Variants in CDH13 observed in about 807,000 individuals in gnomAD.
CDH13 encodes cadherin-13.
CDH13 carries 24 observed loss-of-function variants against 63.8 expected under a neutral mutation model. The observed-to-expected ratio is 0.38, with a 90% CI of 0.27 to 0.53. The LOEUF (loss-of-function observed/expected upper bound fraction) is 0.53, where lower values mean the gene tolerates loss of function less well. Among genes scored for constraint, CDH13 ranks in the 20% least tolerant of loss-of-function variants. The pLI is 0.85. For missense variants in CDH13, 1,049 were observed against 903.1 expected, an observed-to-expected ratio of 1.16 and a Z score of -2.07; for synonymous variants, 503 against 355.3, an observed-to-expected ratio of 1.42 and a Z score of -4.67.
chr16:83,571,934 C>T (rs528319874), intron 7 of CDH13, among the ~76,000 whole-genome samples: 2 of 152,178 alleles, frequency 1.3e-5, no homozygotes, highest in African/African-American at 2.4e-5. Context: ...CTGGCTCTGT[C>T]ATTTCCTCTG....
intron 3 of CDH13, among the ~76,000 whole-genome samples, chr16:83,032,811 A>G (rs1232500665): frequency 6.6e-6 from 1 of 152,156 alleles, no homozygotes; most frequent in Non-Finnish European, 1.5e-5. Context: ...AAACTCATGG[A>G]CTGAGAGTGA....
At chr16:83,229,178 G>A (rs1308614791) in intron 5 of CDH13, among the ~76,000 whole-genome samples, 1 of 152,152 alleles carries the variant, frequency 6.6e-6, no homozygotes, top group Non-Finnish European at 1.5e-5. Flanking sequence ...TGCATTTCAA[G>A]AAGATAAGAT....
At chr16:83,390,311 T>C (rs1389298763) in intron 6 of CDH13, among the ~76,000 whole-genome samples, 1 of 152,176 alleles carries the variant, frequency 6.6e-6, no homozygotes, top group Admixed American at 6.5e-5. Flanking sequence ...GGTCTCAGCA[T>C]GCAGCATCAC....
chr16:83,360,609 T>A (rs2091143689), intron 6 of CDH13, among the ~76,000 whole-genome samples: 3 of 152,168 alleles, frequency 2.0e-5, no homozygotes, highest in Admixed American at 2.0e-4. Flanking sequence ...CAACCCTTTC[T>A]CACCAGCACC....
chr16:82,993,136 C>A (rs1188584396), intron 2 of CDH13, among the ~76,000 whole-genome samples: 1 of 151,968 alleles, frequency 6.6e-6, no homozygotes, highest in East Asian at 1.9e-4. Flanking sequence ...TTACTAATAA[C>A]TGTCTACACT....
At chr16:83,653,601 G>T (rs1410604294) in intron 8 of CDH13, among the ~76,000 whole-genome samples, 1 of 152,140 alleles carries the variant, frequency 6.6e-6, no homozygotes, top group African/African-American at 2.4e-5. Context: ...CTCTAGCATA[G>T]TTCTGGTACT....
intron 5 of CDH13, among the ~76,000 whole-genome samples, chr16:83,278,367 G>T (rs1160696020): frequency 6.6e-6 from 1 of 152,104 alleles, no homozygotes; most frequent in East Asian, 1.9e-4. Context: ...TAAGCAAAAG[G>T]CACCTTCTAA....
At chr16:83,616,425 C>T (rs1005858947) in intron 8 of CDH13, among the ~76,000 whole-genome samples, 6 of 152,030 alleles carry the variant, frequency 3.9e-5, no homozygotes, top group African/African-American at 1.4e-4. Flanking sequence ...CTTTGCTAAA[C>T]CTCTGGTTAT....
chr16:83,576,260 C>A (rs1905079522), intron 7 of CDH13, among the ~76,000 whole-genome samples: 1 of 152,224 alleles, frequency 6.6e-6, no homozygotes, highest in Admixed American at 6.5e-5. Context: ...CTCATTCAAT[C>A]TGTGACATTT....
chr16:83,209,854 T>C (rs551799433), intron 4 of CDH13, among the ~76,000 whole-genome samples: 1 of 152,062 alleles, frequency 6.6e-6, no homozygotes, highest in East Asian at 1.9e-4. Flanking sequence ...AGTGGGTAAG[T>C]AATCGCCGGC....
chr16:83,668,980 C>T (rs370661460), intron 8 of CDH13, among the ~76,000 whole-genome samples: 18 of 152,302 alleles, frequency 1.2e-4, no homozygotes, highest in Non-Finnish European at 1.3e-4. Flanking sequence ...ACCTGCCTGC[C>T]GTCCTTAGAC....
intron 1 of CDH13, among the ~76,000 whole-genome samples, chr16:82,675,626 T>C (rs1396397528): frequency 2.0e-5 from 3 of 152,192 alleles, no homozygotes; most frequent in African/African-American, 7.2e-5. Context: ...TGCAAAAATA[T>C]TTTTTGGTGC....
At position 82,986,734 on chromosome 16, in the gene CDH13, G is replaced by T. The variant is rs968765052; in HGVS notation, c.158-45276G>T. Among the ~76,000 whole-genome samples, 76 of 152,308 alleles carry T rather than the reference G, an allele frequency of 5.0e-4. 1 individual carries two copies. Among genetic ancestry groups the T allele is most frequent in the Non-Finnish European group, 7.2e-4 (49 of 68,028 alleles). Reference sequence around the variant, plus strand: ...CAATAGTACCTGCTGGTCAAACCAAGTCACAAGGATAACCCAACTGTAAGA... The same window carrying T: ...CAATAGTACCTGCTGGTCAAACCAATTCACAAGGATAACCCAACTGTAAGA... On this transcript the variant is annotated intron_variant, in intron 2 of 13. Coordinates refer to ENST00000567109, the MANE Select transcript of CDH13 (RefSeq NM_001257.5).
At chr16:82,894,854 A>G (rs1192683390) in intron 2 of CDH13, among the ~76,000 whole-genome samples, 2 of 152,312 alleles carry the variant, frequency 1.3e-5, no homozygotes, top group South Asian at 2.1e-4. Context: ...CCAGAGAGGA[A>G]GACTATGGCG....
At chr16:83,431,005 C>T (rs1184739311) in intron 6 of CDH13, among the ~76,000 whole-genome samples, 2 of 138,402 alleles carry the variant, frequency 1.4e-5, no homozygotes, top group Non-Finnish European at 3.1e-5. Flanking sequence ...GTGTGATGTT[C>T]CCCTTCCTGT....
chr16:83,215,228 C>T (rs77009163), intron 4 of CDH13, among the ~76,000 whole-genome samples: 2,777 of 151,580 alleles, frequency 0.018, 73 homozygotes, highest in African/African-American at 0.064. Context: ...AGGTGTGCGC[C>T]ATCACGCCCA....
chr16:83,787,292 A>AT (rs1915949303), intron 13 of CDH13, among the ~76,000 whole-genome samples: 1 of 152,058 alleles, frequency 6.6e-6, no homozygotes, highest in Admixed American at 6.6e-5. Context: ...TCTGTCACAT[A>AT]TTCATCTTTA....
intron 7 of CDH13, among the ~76,000 whole-genome samples, chr16:83,574,786 T>C (rs1598314274): frequency 6.6e-6 from 1 of 152,192 alleles, no homozygotes; most frequent in Non-Finnish European, 1.5e-5. Context: ...GAATTTCACA[T>C]ACAACTTCTG....
chr16:83,706,571 C>CA (rs1907090353), intron 10 of CDH13, among the ~76,000 whole-genome samples: 1 of 152,156 alleles, frequency 6.6e-6, no homozygotes, highest in African/African-American at 2.4e-5. Context: ...CCCTTTACTG[C>CA]TGTGTTATTT....
Sources: gnomAD v4.1 joint callset for allele counts (sites outside exome capture counted in the v4.1 genomes callset) on GRCh38, gnomAD v4.1.1 for gene constraint, MANE v1.5 for transcripts, NCBI Gene and HGNC (gene_info 2026-07-23, HGNC 2026-07-21) for gene names.